Variants in DNAH17 observed in about 807,000 individuals in gnomAD.
DNAH17 encodes axonemal beta dynein heavy chain 17.
In DNAH17, 376 loss-of-function variants were observed where a neutral mutation model predicts 485.6. The observed-to-expected ratio is 0.77, with a 90% CI of 0.71 to 0.84. DNAH17 has a LOEUF of 0.84. Ranked by LOEUF, DNAH17 falls within the 40% of genes least tolerant of loss-of-function variation. The pLI is 0.00. For synonymous variants in DNAH17, 3,031 were observed against 2,405.9 expected, an observed-to-expected ratio of 1.26 and a Z score of -7.60; for missense variants, 6,370 against 5,839.3, an observed-to-expected ratio of 1.09 and a Z score of -2.96.
rs750198605 is a variant in DNAH17 at position 78,494,947 on chromosome 17, G to A, written c.6042+12C>T. 1.9e-6 allele frequency: 3 copies of A among 1,607,696 alleles called. No individual in the cohort carries two copies. Among genetic ancestry groups the A allele is most frequent in the Non-Finnish European group, 8.5e-7 (1 of 1,175,112 alleles). ...CCACCCACACCCGCCGTGAGCTCCA[G>A]GACACACACACCTGCTTCGAGAGCA... On this transcript the variant is annotated intron_variant, in intron 39 of 80. Transcript: ENST00000389840.
intron 54 of DNAH17, chr17:78,472,762 G>A (rs759369506): frequency 1.1e-5 from 5 of 454,870 alleles, no homozygotes; most frequent in South Asian, 4.7e-5. Context: ...CTCCCCCTCC[G>A]TTCTCCCTTC....
At chr17:78,575,765 A>G (rs1382260128) in intron 1 of DNAH17, among the ~76,000 whole-genome samples, 1 of 152,218 alleles carries the variant, frequency 6.6e-6, no homozygotes, top group Non-Finnish European at 1.5e-5. Flanking sequence ...AACACCCTGA[A>G]GTCCCAAAGT....
At chr17:78,450,541 C>T (rs915437151) in intron 67 of DNAH17, 141 bp downstream of exon 67, 6 of 1,417,648 alleles carry the variant, frequency 4.2e-6, no homozygotes, top group African/African-American at 2.8e-5. Context: ...GAGCCCAGAC[C>T]CCTTCTCCTG....
chr17:78,575,187 A>C lies in DNAH17; in HGVS notation c.-25-105T>G, dbSNP rs9903478. ...TCTCTGTTTCTACCGGAGCAGGAAC[A>C]AAACAGTTGGTCGAGAGTGTGCAGT... is the stretch of plus-strand genomic sequence containing the variant. On this transcript the variant is annotated intron_variant, in intron 1 of 80. Coordinates refer to ENST00000389840, the MANE Select transcript of DNAH17 (RefSeq NM_173628.4). 230,493 of 814,370 alleles carry C rather than the reference A, an allele frequency of 0.28. 36,129 individuals carry two copies. Among genetic ancestry groups the C allele is most frequent in the East Asian group, 0.55 (20,397 of 37,040 alleles). 50.4% of individuals were successfully genotyped at this position (814,370 alleles called of 1,614,324 possible).
intron 71 of DNAH17, among the ~76,000 whole-genome samples, chr17:78,442,629 A>AG (rs1233380554): frequency 6.6e-6 from 1 of 151,170 alleles, no homozygotes; most frequent in Non-Finnish European, 1.5e-5. Context: ...AGAAGCATGC[A>AG]GGCTGGGTTC....
At chr17:78,501,459 G>T in intron 34 of DNAH17, 115 bp from the exon 35 acceptor site, 1 of 1,314,518 alleles carries the variant, frequency 7.6e-7, no homozygotes, top group Non-Finnish European at 1.0e-6. Flanking sequence ...ACCCTCCCTG[G>T]CCCTCTTTCC....
In DNAH17 at chr17:78,501,694, G is replaced by A. The variant is rs370539813; in HGVS notation, c.5322+48C>T. ...TCCCTGAATGCACTGCCCTGAACCC[G>A]GTGTCCCCTTGCCCTTCCCCTGGCC... On this transcript the variant is annotated intron_variant, in intron 34 of 80. Transcript: ENST00000389840. 537 of 1,598,218 alleles carry A rather than the reference G, an allele frequency of 3.4e-4. 1 individual carries two copies. The highest frequency in any genetic ancestry group is 2.7e-3 in the African/African-American group (200 of 74,870).
At chr17:78,560,026 G>A (rs551571953) in intron 13 of DNAH17, among the ~76,000 whole-genome samples, 1 of 152,104 alleles carries the variant, frequency 6.6e-6, no homozygotes, top group South Asian at 2.1e-4. Flanking sequence ...TGCCCTTCCT[G>A]CTCTTCCTTC....
chr17:78,513,836 A>T (rs968936688), intron 26 of DNAH17, among the ~76,000 whole-genome samples: 1 of 152,156 alleles, frequency 6.6e-6, no homozygotes, highest in African/African-American at 2.4e-5. Context: ...CCTCTGCTGT[A>T]ATTGTCAGTA....
At chr17:78,518,369 C>T (rs2143165404) in intron 25 of DNAH17, among the ~76,000 whole-genome samples, 1 of 152,176 alleles carries the variant, frequency 6.6e-6, no homozygotes, top group Admixed American at 6.5e-5. Context: ...CAGATCAAGC[C>T]AACCTTAGAG....
At position 78,574,852 on chromosome 17, in the gene DNAH17, G is replaced by A; in HGVS notation, c.206C>T (p.Pro69Leu). The A allele has an allele frequency of 1.2e-6, 2 of 1,614,016 alleles. No individual in the cohort carries two copies. Among genetic ancestry groups the A allele is most frequent in the Non-Finnish European group, 1.7e-6 (2 of 1,179,884 alleles). Residue 69 changes from proline to leucine, a missense_variant, in exon 2 of 81, where the codon CCC becomes CTC. Coordinates refer to ENST00000389840, the MANE Select transcript of DNAH17 (RefSeq NM_173628.4). ...AGMIIPCLGF[P>L]QSLKSKGVYF... is the part of the protein sequence containing the mutation. Reference sequence around the variant, plus strand: ...AACCCCTTTGGACTTGAGGGACTGGGGGAAGCCCAGGCAGGGTATGATCAT... The same window carrying A: ...AACCCCTTTGGACTTGAGGGACTGGAGGAAGCCCAGGCAGGGTATGATCAT...
chr17:78,443,122 CCTT>C (rs2087137461), intron 71 of DNAH17, among the ~76,000 whole-genome samples: 1 of 152,148 alleles, frequency 6.6e-6, no homozygotes, highest in Non-Finnish European at 1.5e-5. Flanking sequence ...GTGGCTGTTT[CCTT>C]CTTTTAGGTG....
chr17:78,484,310 T>TC (rs1165053793), intron 48 of DNAH17, among the ~76,000 whole-genome samples: 3 of 151,808 alleles, frequency 2.0e-5, no homozygotes, highest in African/African-American at 7.3e-5. Flanking sequence ...TTCCTGGGCT[T>TC]CTTCACGTGT....
At chr17:78,504,572 T>C (rs2090423571) in intron 31 of DNAH17, among the ~76,000 whole-genome samples, 1 of 152,234 alleles carries the variant, frequency 6.6e-6, no homozygotes, top group Middle Eastern at 3.4e-3. Flanking sequence ...TTTTTTTTCT[T>C]CTTCCTACAA....
Position 78,486,273 on chromosome 17 carries a change from A to G in DNAH17, c.7052T>C (p.Phe2351Ser), listed in dbSNP as rs1271576530. Residue 2351 changes from phenylalanine (F) to serine (S), a missense_variant, in exon 45 of 81, where the codon TTC becomes TCC. By Grantham distance (155) the Phe-to-Ser change is radical. Transcript: ENST00000389840. ...DSPRELYELY[F>S]VFTCFWAFGG... ...GAAGGCCCAGAAGCAGGTGAACACGAAGTACAGCTCGTACAGCTCCCTGGG... is the reference window on the plus strand; with the variant it reads ...GAAGGCCCAGAAGCAGGTGAACACGGAGTACAGCTCGTACAGCTCCCTGGG... The G allele has an allele frequency of 5.6e-6, 9 of 1,605,436 alleles. No homozygotes were observed. The highest frequency in any genetic ancestry group is 7.7e-6 in the Non-Finnish European group (9 of 1,173,514).
At chr17:78,503,094 G>T in intron 31 of DNAH17, 83 bp from the exon 32 acceptor site, 1 of 1,369,356 alleles carries the variant, frequency 7.3e-7, no homozygotes, top group East Asian at 3.2e-5. Context: ...TTGTTGTAAA[G>T]AAAAACATTT....
intron 37 of DNAH17, among the ~76,000 whole-genome samples, chr17:78,498,320 A>G (rs986168582): frequency 1.3e-5 from 2 of 152,102 alleles, no homozygotes; most frequent in African/African-American, 4.8e-5. Context: ...CCTGACTTGC[A>G]TTTCCTTTTG....
intron 13 of DNAH17, among the ~76,000 whole-genome samples, chr17:78,560,011 T>TA (rs1316390100): frequency 1.3e-5 from 2 of 152,140 alleles, no homozygotes; most frequent in Non-Finnish European, 2.9e-5. Flanking sequence ...TTGATCTTCT[T>TA]AACCTGCCCT....
intron 25 of DNAH17, chr17:78,522,562 C>A (rs2143208297): frequency 3.4e-6 from 1 of 292,344 alleles, no homozygotes; most frequent in South Asian, 3.3e-5. Flanking sequence ...CATGTTGGAG[C>A]TGAAGCCCAA....
Sources: gnomAD v4.1 joint callset for allele counts (sites outside exome capture counted in the v4.1 genomes callset) on GRCh38, gnomAD v4.1.1 for gene constraint, MANE v1.5 for transcripts, NCBI Gene and HGNC (gene_info 2026-07-23, HGNC 2026-07-21) for gene names.